The following KNDC1 variants were observed in gnomAD, a reference collection of about 807,000 sequenced individuals.
KNDC1 encodes kinase non-catalytic C-lobe domain-containing protein 1.
Under a neutral mutation model 172.8 loss-of-function variants are expected in KNDC1, and 106 were observed. That is an observed-to-expected ratio of 0.61 (90% CI 0.52 to 0.72). The LOEUF is 0.72. Among genes scored for constraint, KNDC1 ranks in the 30% least tolerant of loss-of-function variants. The pLI is 0.00. For missense variants in KNDC1, 2,325 were observed against 2,394.5 expected (o/e 0.97, Z 0.61); for synonymous variants, 1,083 against 1,062.2 (o/e 1.02, Z -0.38).
rs1201963221 is a variant in KNDC1 at position 133,199,191 on chromosome 10, G to A, written c.2683G>A (p.Glu895Lys). The A allele has an allele frequency of 2.5e-6, 4 of 1,587,934 alleles. No homozygotes were observed. The highest frequency in any genetic ancestry group is 3.4e-6 in the Non-Finnish European group (4 of 1,167,698). The change falls in exon 14 of 30, where the codon GAG (glutamate) becomes AAG (lysine). Residue 895 changes from glutamate to lysine, a missense_variant. Glu to Lys is a moderately conservative substitution (Grantham distance 56). Coordinates refer to ENST00000304613, the MANE Select transcript of KNDC1 (RefSeq NM_152643.8). ...PGRTACPSLQ[E>K]ATRLIQEEFA... ...GAGGACGGCCTGCCCGTCGCTGCAG[G>A]AGGCCACGCGCCTCATCCAGGAGGA... is the stretch of plus-strand genomic sequence containing the variant.
intron 26 of KNDC1, among the ~76,000 whole-genome samples, chr10:133,217,848 G>A (rs1355837459): frequency 2.8e-5 from 4 of 144,664 alleles, no homozygotes; most frequent in African/African-American, 7.6e-5. Flanking sequence ...AGTCCAAGGC[G>A]GGCAGATCAC....
chr10:133,183,851 C>T, intron 4 of KNDC1, 21 bp from the exon 5 acceptor site: 1 of 1,541,646 alleles, frequency 6.5e-7, no homozygotes, highest in Non-Finnish European at 8.8e-7. Context: ...GCCTTCCTGT[C>T]TGAGGTGTTC....
chr10:133,198,779 C>T lies in KNDC1; in HGVS notation c.2271C>T (p.Gly757=), dbSNP rs754479990. Residue 757 remains glycine, a synonymous_variant, in exon 14 of 30, where the codon GGC becomes GGT. Transcript: ENST00000304613. The part of the protein sequence containing the change: ...GASVQRDSAQ[G]RPCPPPQAPA... ...CAGTGCAGCGTGACTCAGCCCAGGGCCGCCCCTGCCCTCCACCCCAGGCCC... is the reference window on the plus strand; with the variant it reads ...CAGTGCAGCGTGACTCAGCCCAGGGTCGCCCCTGCCCTCCACCCCAGGCCC... The T allele has an allele frequency of 2.6e-5, 41 of 1,584,978 alleles. No individual in the cohort carries two copies. The highest frequency in any genetic ancestry group is 3.3e-5 in the Non-Finnish European group (39 of 1,165,958).
rs139045759 is a variant in KNDC1, at chr10:133,207,280, G to A, written c.3723G>A (p.Pro1241=). The A allele has an allele frequency of 3.1e-5, 50 of 1,612,914 alleles. No individual in the cohort carries two copies. The highest frequency in any genetic ancestry group is 3.1e-4 in the African/African-American group (23 of 74,934). ...SLIFYNVNKH[P]GGRQKARILQ... ...TCTTCTACAACGTCAACAAGCACCC[G>A]GGCGGCCGGCAGAAGGCCCGCATCC... The change falls in exon 20 of 30, where the codon CCG becomes CCA. Residue 1241 remains proline, a synonymous_variant. Transcript: ENST00000304613.
intron 5 of KNDC1, among the ~76,000 whole-genome samples, chr10:133,184,983 C>T (rs1353550049): frequency 1.3e-5 from 2 of 152,276 alleles, no homozygotes; most frequent in Admixed American, 6.5e-5. Context: ...TCTCTCAGGC[C>T]GCCTTTGAAC....
chr10:133,207,181 A>G lies in KNDC1; in HGVS notation c.3624A>G (p.Pro1208=). The G allele has an allele frequency of 1.9e-6, 3 of 1,608,980 alleles. No homozygotes were observed. Among genetic ancestry groups the G allele is most frequent in the South Asian group, 1.1e-5 (1 of 90,612 alleles). Reference sequence around the variant, plus strand: ...GGGGCCTGGAGCCCTGCACCCTCCCAGTGATCGTGAACATCGCGGCCGCAC... The same window carrying G: ...GGGGCCTGGAGCCCTGCACCCTCCCGGTGATCGTGAACATCGCGGCCGCAC... ...ERWGLEPCTL[P]VIVNIAAAPC... is the part of the protein sequence containing the mutation. The change falls in exon 20 of 30, where the codon CCA becomes CCG. Residue 1208 remains proline, a synonymous_variant. Coordinates refer to ENST00000304613, the MANE Select transcript of KNDC1 (RefSeq NM_152643.8).
rs1437519516 is a variant in KNDC1, at chr10:133,183,508, G to A, written c.507+18G>A. 1 of 1,589,352 alleles carries A rather than the reference G, an allele frequency of 6.3e-7. No homozygotes were observed. The highest frequency in any genetic ancestry group is 8.5e-7 in the Non-Finnish European group (1 of 1,171,362). On this transcript the variant is annotated intron_variant, in intron 4 of 29. Transcript: ENST00000304613. ...ACCTTGAGGTAAGCGAGGCTGCCCT[G>A]GGCCACCCCAGGCTGTGACCCTGAC... is the stretch of plus-strand genomic sequence containing the variant.
Position 133,199,473 on chromosome 10 carries a change from C to T in KNDC1, c.2774C>T (p.Ala925Val). 6.2e-7 allele frequency: 1 copy of T among 1,613,828 alleles called. No individual in the cohort carries two copies. Among genetic ancestry groups the T allele is most frequent in the Non-Finnish European group, 8.5e-7 (1 of 1,179,954 alleles). ...EALIMGEYIFALKDLTFATFC... is the reference protein window; with the variant it reads ...EALIMGEYIFVLKDLTFATFC... ...GCAAAACCAGGGGAGTACATCTTCG[C>T]CTTGAAAGATCTCACCTTTGCCACT... Residue 925 changes from alanine (A) to valine (V), a missense_variant, in exon 15 of 30, where the codon GCC (alanine) becomes GTC (valine). Ala to Val is a moderately conservative substitution (Grantham distance 64). Coordinates refer to ENST00000304613, the MANE Select transcript of KNDC1 (RefSeq NM_152643.8).
rs1853030552 is a variant in KNDC1, at chr10:133,163,143, GCA to G, written c.102+2579_102+2580del. On this transcript the variant is annotated intron_variant, in intron 1 of 29. Transcript: ENST00000304613. The surrounding 1 kb of genome is among the most constrained non-coding windows in gnomAD (Gnocchi z 4.4). ...AGGCAGAACAGCGGCTGCAGAAGAGGCACACAGTCCAGGCGGCTGGAGTCGAT... is the reference window on the plus strand; with the variant it reads ...AGGCAGAACAGCGGCTGCAGAAGAGGCACAGTCCAGGCGGCTGGAGTCGAT... 1.3e-5 allele frequency among the ~76,000 whole-genome samples: 2 copies of G among 152,190 alleles called. No homozygotes were observed. Among genetic ancestry groups the G allele is most frequent in the Non-Finnish European group, 1.5e-5 (1 of 68,038 alleles).
intron 24 of KNDC1, among the ~76,000 whole-genome samples, chr10:133,213,273 G>A (rs982343662): frequency 8.5e-5 from 13 of 152,156 alleles, no homozygotes; most frequent in South Asian, 2.1e-4. Context: ...GGGCCAACCC[G>A]GTTCCTTGTG....
chr10:133,168,432 C>T (rs550386288), intron 3 of KNDC1, 120 bp downstream of exon 3: 296 of 1,054,646 alleles, frequency 2.8e-4, no homozygotes, highest in Non-Finnish European at 3.7e-4. Context: ...TGGCCGGGAG[C>T]GGAGCCGCTG....
rs1159110923 is a variant in KNDC1 at position 133,160,333 on chromosome 10, G to A, written c.-135G>A. 2 of 272,344 alleles carry A rather than the reference G, an allele frequency of 7.3e-6. No homozygotes were observed. Among genetic ancestry groups the A allele is most frequent in the Non-Finnish European group, 6.2e-6 (1 of 160,100 alleles). The allele number at this position is 272,344 out of a possible 1,614,324, so 16.9% of individuals were successfully genotyped here. Reference sequence around the variant, plus strand: ...CCCGTATCCCTGACCGCGTCCCCTGGAGACACTGCGGCAGCGGCGGGCGGG... The same window carrying A: ...CCCGTATCCCTGACCGCGTCCCCTGAAGACACTGCGGCAGCGGCGGGCGGG... On this transcript the variant is annotated 5_prime_UTR_variant, in exon 1 of 30. Transcript: ENST00000304613.
intron 5 of KNDC1, 62 bp from the exon 6 acceptor site, chr10:133,185,912 C>CGGGCGGGGAGGGGT: frequency 2.2e-6 from 1 of 450,614 alleles, no homozygotes; most frequent in Non-Finnish European, 3.1e-6. Context: ...AGGGGAGGGG[C>CGGGCGGGGAGGGGT]GGGAGGAGAG....
intron 17 of KNDC1, among the ~76,000 whole-genome samples, chr10:133,206,249 G>A (rs1438207418): frequency 6.6e-6 from 1 of 152,248 alleles, no homozygotes; most frequent in Non-Finnish European, 1.5e-5. Context: ...GCAGACACCT[G>A]AAGACACACG....
chr10:133,219,965 A>G lies in KNDC1; in HGVS notation c.4871A>G (p.Lys1624Arg). 1 of 1,551,214 alleles carries G rather than the reference A, an allele frequency of 6.4e-7. No individual in the cohort carries two copies. Among genetic ancestry groups the G allele is most frequent in the Non-Finnish European group, 8.7e-7 (1 of 1,146,972 alleles). The part of the protein sequence containing the change: ...EELKAVEVFL[K>R]SDSLCLMEGR... ...CGGCTGGACCACCAGGTCTTCCTGA[A>G]GAGCGACAGCCTGTGTCTGATGGAA... is the stretch of plus-strand genomic sequence containing the variant. The change falls in exon 29 of 30, where the codon AAG becomes AGG. Residue 1624 changes from lysine to arginine, a missense_variant. By Grantham distance (26) the Lys-to-Arg change is conservative (BLOSUM62 2). Transcript: ENST00000304613.
chr10:133,165,716 C>T (rs1245630023), intron 1 of KNDC1, among the ~76,000 whole-genome samples: 3 of 152,186 alleles, frequency 2.0e-5, no homozygotes, highest in African/African-American at 7.2e-5. Flanking sequence ...TTTGTGTGTA[C>T]GCAGTGCCCA....
Position 133,197,703 on chromosome 10 carries a change from T to C in KNDC1, c.1841T>C (p.Leu614Pro). The C allele has an allele frequency of 6.2e-7, 1 of 1,613,230 alleles. No homozygotes were observed. Residue 614 changes from leucine (L) to proline (P), a missense_variant, in exon 12 of 30, where the codon CTC (leucine) becomes CCC (proline). Physicochemically the swap from Leu to Pro is moderately conservative, Grantham distance 98. Transcript: ENST00000304613. ...QVYQEEETISLQNAFSVVELK... is the reference protein window; with the variant it reads ...QVYQEEETISPQNAFSVVELK... ...TACCAGGAGGAAGAGACCATCAGCC[T>C]CCAAAACGCCTTCTCAGTGGTTGAA...
At position 133,214,077 on chromosome 10, in the gene KNDC1, C is replaced by T. The variant is rs1845427837; in HGVS notation, c.4632C>T (p.Val1544=). ...LLQLLRNADD[V]STWVAAEIVT... Reference sequence around the variant, plus strand: ...AGCTTCTAAGAAACGCAGATGACGTCAGCACCTGGGTGGCTGCAGAGATTG... The same window carrying T: ...AGCTTCTAAGAAACGCAGATGACGTTAGCACCTGGGTGGCTGCAGAGATTG... The change falls in exon 26 of 30, where the codon GTC becomes GTT. Residue 1544 remains valine (V), a synonymous_variant. Transcript: ENST00000304613. The T allele has an allele frequency of 1.9e-6, 3 of 1,614,194 alleles. No homozygotes were observed. The highest frequency in any genetic ancestry group is 2.5e-6 in the Non-Finnish European group (3 of 1,180,020).
Position 133,198,477 on chromosome 10 carries a change from G to T in KNDC1, c.2047G>T (p.Ala683Ser). 2 of 1,606,484 alleles carry T rather than the reference G, an allele frequency of 1.2e-6. No individual in the cohort carries two copies. Among genetic ancestry groups the T allele is most frequent in the Non-Finnish European group, 8.5e-7 (1 of 1,176,580 alleles). Reference sequence around the variant, plus strand: ...CACGCACTTCAAGCCCATTGTCCTCGCGCAGAACGCAAGTGTGGCCAGGTG... The same window carrying T: ...CACGCACTTCAAGCCCATTGTCCTCTCGCAGAACGCAAGTGTGGCCAGGTG... ...EATHFKPIVL[A>S]QNASVARDQP... is the part of the protein sequence containing the mutation. Residue 683 changes from alanine to serine, a missense_variant, in exon 13 of 30, where the codon GCG (alanine) becomes TCG (serine). Ala to Ser is a moderately conservative substitution (Grantham distance 99). Coordinates refer to ENST00000304613, the MANE Select transcript of KNDC1 (RefSeq NM_152643.8).
Sources: gnomAD v4.1 joint callset for allele counts (sites outside exome capture counted in the v4.1 genomes callset) on GRCh38, gnomAD v4.1.1 for gene constraint, Gnocchi (gnomAD v3.1) non-coding constraint, MANE v1.5 for transcripts, NCBI Gene and HGNC (gene_info 2026-07-23, HGNC 2026-07-21) for gene names.